Variants in BAAT observed in about 807,000 individuals in gnomAD.
The protein encoded by BAAT is bile acid-CoA:amino acid N-acyltransferase.
Under a neutral mutation model 18.9 loss-of-function variants are expected in BAAT, and 13 were observed. That is an observed-to-expected ratio of 0.69 (90% CI 0.45 to 1.10). The LOEUF is 1.10. Among genes scored for constraint, BAAT ranks in the 50% least tolerant of loss-of-function variants. BAAT has a pLI of 0.00. For missense variants in BAAT, 489 were observed against 504.0 expected, an observed-to-expected ratio of 0.97 and a Z score of 0.28; for synonymous variants, 170 against 190.7, an observed-to-expected ratio of 0.89 and a Z score of 0.89.
chr9:101,366,103 T>C (rs1245120075), intron 3 of BAAT, among the ~76,000 whole-genome samples: 1 of 152,188 alleles, frequency 6.6e-6, no homozygotes, highest in Non-Finnish European at 1.5e-5. Flanking sequence ...AGAAACTTTG[T>C]ACCCTTTGAC....
chr9:101,379,806 T>A (rs1398249810), intron 1 of BAAT, among the ~76,000 whole-genome samples: 2 of 152,236 alleles, frequency 1.3e-5, no homozygotes, highest in African/African-American at 4.8e-5. Flanking sequence ...ATAGGTTCTT[T>A]TTTGTTGTTG....
At chr9:101,368,580 A>G (rs886799244) in intron 2 of BAAT, among the ~76,000 whole-genome samples, 2 of 152,180 alleles carry the variant, frequency 1.3e-5, no homozygotes, top group Non-Finnish European at 2.9e-5. Flanking sequence ...GGTCCATTGA[A>G]TATATAATGG....
chr9:101,372,276 C>A (rs181787287), intron 1 of BAAT, among the ~76,000 whole-genome samples: 3 of 129,790 alleles, frequency 2.3e-5, no homozygotes, highest in African/African-American at 8.4e-5. Context: ...CATATACCCC[C>A]GATCCTAAAA....
chr9:101,373,759 G>A (rs1297853080), intron 1 of BAAT, among the ~76,000 whole-genome samples: 1 of 151,902 alleles, frequency 6.6e-6, no homozygotes, highest in African/African-American at 2.4e-5. Flanking sequence ...CAACATCTGA[G>A]GACTCAGCAC....
chr9:101,377,784 G>T (rs1830071722), intron 1 of BAAT, among the ~76,000 whole-genome samples: 2 of 152,106 alleles, frequency 1.3e-5, no homozygotes, highest in Admixed American at 6.6e-5. Flanking sequence ...GAAATAAGGG[G>T]TATTCAAATA....
rs747660519 is a variant in BAAT at position 101,371,045 on chromosome 9, A to C, written c.360T>G (p.Ser120Arg). ...LELIVNNKVA[S>R]APKASLTLER... ...CCAAAGTCAGGCTGGCCTTTGGAGCACTGGCAACTTTATTGTTCACTATTA... is the reference window on the plus strand; with the variant it reads ...CCAAAGTCAGGCTGGCCTTTGGAGCCCTGGCAACTTTATTGTTCACTATTA... The change falls in exon 2 of 4, where the codon AGT (serine) becomes AGG (arginine). Residue 120 changes from serine to arginine, a missense_variant. Ser to Arg is a moderately radical substitution (Grantham distance 110). Transcript: ENST00000259407. 6.2e-7 allele frequency: 1 copy of C among 1,614,088 alleles called. No homozygotes were observed. The highest frequency in any genetic ancestry group is 2.2e-5 in the East Asian group (1 of 44,858).
At position 101,366,223 on chromosome 9, in the gene BAAT, T is replaced by C. The variant is rs1376905559; in HGVS notation, c.669+1897A>G. Among the ~76,000 whole-genome samples, 3 of 151,944 alleles carry C rather than the reference T, an allele frequency of 2.0e-5. No homozygotes were observed. The East Asian group carries it at 5.8e-4, about 29-fold the overall frequency. On this transcript the variant is annotated intron_variant, in intron 3 of 3. Coordinates refer to ENST00000259407, the MANE Select transcript of BAAT (RefSeq NM_001701.4). ...TCAGAGTGGATTTGGCCATGAAAGATAAAGTAAAAGCAAGTATAACACGAA... is the reference window on the plus strand; with the variant it reads ...TCAGAGTGGATTTGGCCATGAAAGACAAAGTAAAAGCAAGTATAACACGAA...
At chr9:101,364,127 C>T (rs116027432) in intron 3 of BAAT, among the ~76,000 whole-genome samples, 1,629 of 152,264 alleles carry the variant, frequency 0.011, 37 homozygotes, top group African/African-American at 0.038. Flanking sequence ...CTAATATGAC[C>T]TTGATTTTGT....
At chr9:101,365,668 GA>G (rs1284939145) in intron 3 of BAAT, among the ~76,000 whole-genome samples, 14 of 151,870 alleles carry the variant, frequency 9.2e-5, no homozygotes, top group Admixed American at 7.2e-4. Flanking sequence ...TCCCGAGCTG[GA>G]ACTACAGGCG....
intron 3 of BAAT, among the ~76,000 whole-genome samples, chr9:101,363,841 C>T (rs534273378): frequency 6.6e-6 from 1 of 152,098 alleles, no homozygotes; most frequent in Non-Finnish European, 1.5e-5. Flanking sequence ...TAGTGAGACC[C>T]TATCTCTACA....
At chr9:101,363,464 G>C (rs762569743) in intron 3 of BAAT, among the ~76,000 whole-genome samples, 53 of 152,176 alleles carry the variant, frequency 3.5e-4, no homozygotes, top group Non-Finnish European at 5.9e-4. Flanking sequence ...TTTTCCAAAA[G>C]TTTTCTCATT....
In BAAT at chr9:101,373,381, C is replaced by G. The variant is rs375822160; in HGVS notation, c.-59-1918G>C. Among the ~76,000 whole-genome samples, 8 of 152,142 alleles carry G rather than the reference C, an allele frequency of 5.3e-5. No individual in the cohort carries two copies. In the East Asian group the frequency reaches 1.4e-3, roughly 26 times the overall value. ...TATTTTTAAATTCTGTGACTGACTTCCAAAAATCCCTTATCACTAGAAGTA... is the reference window on the plus strand; with the variant it reads ...TATTTTTAAATTCTGTGACTGACTTGCAAAAATCCCTTATCACTAGAAGTA... On this transcript the variant is annotated intron_variant, in intron 1 of 3. Transcript: ENST00000259407.
intron 3 of BAAT, 25 bp from the exon 4 acceptor site, chr9:101,363,040 A>G: frequency 6.3e-7 from 1 of 1,592,396 alleles, no homozygotes; most frequent in Non-Finnish European, 8.6e-7. Context: ...AGAAATGAGA[A>G]ATTATTCTAG....
Position 101,362,426 on chromosome 9 carries a change from T to C in BAAT, c.*2A>G, listed in dbSNP as rs761407774. 4 of 1,613,396 alleles carry C rather than the reference T, an allele frequency of 2.5e-6. No homozygotes were observed. The highest frequency in any genetic ancestry group is 2.5e-6 in the Non-Finnish European group (3 of 1,179,532). ...TTTATTTTCTAGGAATATCTAGTCT[T>C]CTTAGAGTTGACTGGTCACATCTGG... On this transcript the variant is annotated 3_prime_UTR_variant, in exon 4 of 4. Coordinates refer to ENST00000259407, the MANE Select transcript of BAAT (RefSeq NM_001701.4).
intron 3 of BAAT, among the ~76,000 whole-genome samples, 181 bp downstream of exon 3, chr9:101,367,939 T>C (rs1356655375): frequency 6.6e-6 from 1 of 152,220 alleles, no homozygotes; most frequent in Non-Finnish European, 1.5e-5. Flanking sequence ...AAAGACAAAA[T>C]GCATAGGAAG....
intron 1 of BAAT, among the ~76,000 whole-genome samples, chr9:101,380,505 G>C (rs1485177282): frequency 2.6e-5 from 4 of 152,114 alleles, no homozygotes; most frequent in Admixed American, 1.3e-4. Flanking sequence ...ACTTACCACA[G>C]AGCAAGCTTA....
chr9:101,366,170 G>A (rs924933578), intron 3 of BAAT, among the ~76,000 whole-genome samples: 1 of 151,842 alleles, frequency 6.6e-6, no homozygotes. Context: ...GATAGAGAGC[G>A]ACAGTTATGT....
chr9:101,362,782 T>G lies in BAAT; in HGVS notation c.903A>C (p.Thr301=), dbSNP rs767910529. The G allele has an allele frequency of 6.2e-7, 1 of 1,614,046 alleles. No individual in the cohort carries two copies. The highest frequency in any genetic ancestry group is 1.7e-5 in the Admixed American group (1 of 59,988). The change falls in exon 4 of 4, where the codon ACA becomes ACC. Residue 301 remains threonine (T), a synonymous_variant. Coordinates refer to ENST00000259407, the MANE Select transcript of BAAT (RefSeq NM_001701.4). ...GLLELYRTFE[T]TQVGASQYLF... ...AATATTGACTGGCCCCAACTTGAGT[T>G]GTCTCAAAAGTGCGATAGAGCTCTA...
In BAAT at chr9:101,362,952, C is replaced by A; in HGVS notation, c.733G>T (p.Ala245Ser). ...CQGVQIGLSM[A>S]IYLKQVTATV... ...GCTGTGACTTGCTTTAGGTAAATAGCCATAGATAGTCCAATCTGTACTCCT... is the reference window on the plus strand; with the variant it reads ...GCTGTGACTTGCTTTAGGTAAATAGACATAGATAGTCCAATCTGTACTCCT... The change falls in exon 4 of 4, where the codon GCT (alanine) becomes TCT (serine). Residue 245 changes from alanine (A) to serine (S), a missense_variant. Ala to Ser is a moderately conservative substitution (Grantham distance 99). Coordinates refer to ENST00000259407, the MANE Select transcript of BAAT (RefSeq NM_001701.4). 1 of 1,613,980 alleles carries A rather than the reference C, an allele frequency of 6.2e-7. No individual in the cohort carries two copies. Among genetic ancestry groups the A allele is most frequent in the South Asian group, 1.1e-5 (1 of 91,060 alleles).
Sources: allele counts gnomAD v4.1 joint callset (sites outside exome capture counted in the v4.1 genomes callset), GRCh38; gene constraint gnomAD v4.1.1; transcripts MANE v1.5; gene names NCBI Gene and HGNC (gene_info 2026-07-23, HGNC 2026-07-21).